The following PUSL1 variants were observed in gnomAD, a reference collection of about 807,000 sequenced individuals.
PUSL1 encodes pseudouridine synthase like 1, also known as tRNA pseudouridine synthase-like 1.
PUSL1 carries 51 observed loss-of-function variants against 30.7 expected under a neutral mutation model. The observed-to-expected ratio is 1.66, with a 90% CI of 1.33 to 2.10. PUSL1 has a LOEUF of 2.10. Among genes scored for constraint, PUSL1 ranks in the 30% most tolerant of loss-of-function variants. PUSL1 has a pLI of 0.00. For synonymous variants in PUSL1, 290 were observed against 192.1 expected (o/e 1.51, Z -4.21); for missense variants, 609 against 427.6 (o/e 1.42, Z -3.74).
chr1:1,309,412 G>A (rs1241731847), intron 3 of PUSL1, 42 bp from the exon 4 acceptor site: 2 of 1,544,494 alleles, frequency 1.3e-6, no homozygotes, highest in East Asian at 2.4e-5. Flanking sequence ...CACCGCGGGC[G>A]GGCGGGGTCG....
chr1:1,310,560 C>T (rs777404999), intron 5 of PUSL1, 74 bp from the exon 6 acceptor site: 92 of 1,206,202 alleles, frequency 7.6e-5, no homozygotes, highest in Non-Finnish European at 9.9e-5. Context: ...GTCACTCTCC[C>T]GTCCAAGGCC....
rs566981480 is a variant in PUSL1 at position 1,311,034 on chromosome 1, C to T, written c.825C>T (p.His275=). Residue 275 remains histidine (H), a synonymous_variant, in exon 7 of 8, where the codon CAC becomes CAT. Coordinates refer to ENST00000379031, the MANE Select transcript of PUSL1 (RefSeq NM_153339.3). ...GKHQTRVAPA[H]GLFLKSVLYG... is the part of the protein sequence containing the mutation. ...ACCAGACACGTGTAGCCCCAGCCCA[C>T]GGCTTATTCCTCAAGTCAGTGCTGT... The T allele has an allele frequency of 2.0e-5, 33 of 1,612,072 alleles. No individual in the cohort carries two copies. Among genetic ancestry groups the T allele is most frequent in the Admixed American group, 1.3e-4 (8 of 59,998 alleles).
At position 1,309,739 on chromosome 1, in the gene PUSL1, T is replaced by TTGC. The variant is rs1641998122; in HGVS notation, c.533_534insGCT (p.Phe178delinsLeuLeu). 1 of 1,598,096 alleles carries TTGC rather than the reference T, an allele frequency of 6.3e-7. No homozygotes were observed. Reference sequence around the variant, plus strand: ...CCAGCACCTCCTCGGCACACACGACTTCAGCGCCTTCCAGTCCGCTGGCAG... The same window carrying TTGC: ...CCAGCACCTCCTCGGCACACACGACTTGCTCAGCGCCTTCCAGTCCGCTGGCAG... On this transcript the variant is annotated protein_altering_variant, in exon 5 of 8. Transcript: ENST00000379031.
In PUSL1 at chr1:1,309,139, C is replaced by G. The variant is rs775923867; in HGVS notation, c.189C>G (p.Ser63Arg). Residue 63 changes from serine (S) to arginine (R), a missense_variant, in exon 3 of 8, where the codon AGC (serine) becomes AGG (arginine). Physicochemically the swap from Ser to Arg is moderately radical, Grantham distance 110. Transcript: ENST00000379031. The stretch of plus-strand genomic sequence containing the variant: ...AGCCGGTCAGGTTCACCATCTCCAG[C>G]CGCACGGACGCCGGGGTCCACGCCC... ...SVEPVRFTIS[S>R]RTDAGVHALS... The G allele has an allele frequency of 2.0e-6, 3 of 1,529,432 alleles. No individual in the cohort carries two copies. The highest frequency in any genetic ancestry group is 2.6e-6 in the Non-Finnish European group (3 of 1,145,962). The allele number at this position is 1,529,432 out of a possible 1,614,324, so 94.7% of individuals were successfully genotyped here. A position where few individuals can be genotyped will look rare whatever the true frequency, so the allele number is the denominator to read the frequency against.
rs1641953168 is a variant in PUSL1, at chr1:1,309,289, A to C, written c.323+16A>C. 1.4e-6 allele frequency: 2 copies of C among 1,472,612 alleles called. No homozygotes were observed. Among genetic ancestry groups the C allele is most frequent in the Middle Eastern group, 1.8e-4 (1 of 5,468 alleles). The allele number at this position is 1,472,612 out of a possible 1,614,324, so 91.2% of individuals were successfully genotyped here. A position where few individuals can be genotyped will look rare whatever the true frequency, so the allele number is the denominator to read the frequency against. ...CGGCCATCAGGTGAGCCCGCGACCTAAGCAGCCCTGGGGCTGTGCCTTCCC... is the reference window on the plus strand; with the variant it reads ...CGGCCATCAGGTGAGCCCGCGACCTCAGCAGCCCTGGGGCTGTGCCTTCCC... On this transcript the variant is annotated intron_variant, in intron 3 of 7. Coordinates refer to ENST00000379031, the MANE Select transcript of PUSL1 (RefSeq NM_153339.3).
chr1:1,309,714 C>G lies in PUSL1; in HGVS notation c.507C>G (p.Ala169=), dbSNP rs773682015. 2.5e-6 allele frequency: 4 copies of G among 1,597,828 alleles called. No homozygotes were observed. The highest frequency in any genetic ancestry group is 2.2e-5 in the South Asian group (2 of 89,974). ...CLDMVAMQEA[A]QHLLGTHDFS... is the part of the protein sequence containing the mutation. ...ATATGGTCGCCATGCAGGAAGCCGC[C>G]CAGCACCTCCTCGGCACACACGACT... Residue 169 remains alanine (A), a synonymous_variant, in exon 5 of 8, where the codon GCC becomes GCG. Coordinates refer to ENST00000379031, the MANE Select transcript of PUSL1 (RefSeq NM_153339.3).
Position 1,309,935 on chromosome 1 carries a change from A to C in PUSL1, c.644+84A>C, listed in dbSNP as rs955465354. On this transcript the variant is annotated intron_variant, in intron 5 of 7. Coordinates refer to ENST00000379031, the MANE Select transcript of PUSL1 (RefSeq NM_153339.3). The stretch of plus-strand genomic sequence containing the variant: ...CAGCACCTCCCCCAGTTTTAAGGCA[A>C]GGTGAGGCGGGAGGCAGGCAGCCGG... 8.6e-6 allele frequency: 10 copies of C among 1,169,554 alleles called. No individual in the cohort carries two copies. The African/African-American group carries it at 1.6e-4, about 18-fold the overall frequency. 72.4% of individuals were successfully genotyped at this position (1,169,554 alleles called of 1,614,324 possible). A position where few individuals can be genotyped will look rare whatever the true frequency, so the allele number is the denominator to read the frequency against.
chr1:1,311,088 C>T lies in PUSL1; in HGVS notation c.862+17C>T, dbSNP rs370050103. On this transcript the variant is annotated intron_variant, in intron 7 of 7. Coordinates refer to ENST00000379031, the MANE Select transcript of PUSL1 (RefSeq NM_153339.3). ...GGAACCTCGGTAAGAAAAACAGGCA[C>T]GAGAAGCTCCTGTCATGTGCCCAGT... 39 of 1,585,684 alleles carry T rather than the reference C, an allele frequency of 2.5e-5. No homozygotes were observed. The highest frequency in any genetic ancestry group is 1.6e-4 in the South Asian group (14 of 88,012).
rs1451519283 is a variant in PUSL1, at chr1:1,309,519, A to G, written c.389A>G (p.Tyr130Cys). ...CGTCACGCAGCCACGTCCCGGACCTACCTGTACCGCCTGGCCACTGGCTGT... is the reference window on the plus strand; with the variant it reads ...CGTCACGCAGCCACGTCCCGGACCTGCCTGTACCGCCTGGCCACTGGCTGT... ...HARHAATSRT[Y>C]LYRLATGCHR... Residue 130 changes from tyrosine to cysteine, a missense_variant, in exon 4 of 8, where the codon TAC becomes TGC. Transcript: ENST00000379031. The G allele has an allele frequency of 6.2e-7, 1 of 1,611,164 alleles. No individual in the cohort carries two copies. Among genetic ancestry groups the G allele is most frequent in the East Asian group, 2.2e-5 (1 of 44,818 alleles).
At chr1:1,309,327 C>T (rs1641957094) in intron 3 of PUSL1, 54 bp downstream of exon 3, 14 of 1,448,896 alleles carry the variant, frequency 9.7e-6, no homozygotes, top group Non-Finnish European at 1.3e-5. Context: ...CTCCATCTGT[C>T]GCGGGCGGAG....
chr1:1,309,881 G>C (rs570651165), intron 5 of PUSL1, 30 bp downstream of exon 5: 1 of 1,451,484 alleles, frequency 6.9e-7, no homozygotes, highest in Non-Finnish European at 9.2e-7. Context: ...CTGTGGCCCT[G>C]CCCTCAAGTC....
At position 1,309,175 on chromosome 1, in the gene PUSL1, G is replaced by A. The variant is rs1391037432; in HGVS notation, c.225G>A (p.Ala75=). 2.0e-6 allele frequency: 3 copies of A among 1,537,122 alleles called. No homozygotes were observed. Among genetic ancestry groups the A allele is most frequent in the Non-Finnish European group, 2.6e-6 (3 of 1,149,998 alleles). The change falls in exon 3 of 8, where the codon GCG becomes GCA. Residue 75 remains alanine, a synonymous_variant. Coordinates refer to ENST00000379031, the MANE Select transcript of PUSL1 (RefSeq NM_153339.3). ...CCGGGGTCCACGCCCTGAGCAACGC[G>A]GCGCACCTGGACGTCCAGCGCCGCT... ...TDAGVHALSN[A]AHLDVQRRSG...
In PUSL1 at chr1:1,310,997, C is replaced by T. The variant is rs767482018; in HGVS notation, c.788C>T (p.Pro263Leu). The part of the protein sequence containing the change: ...QVKTILESQD[P>L]LGKHQTRVAP... ...AAGACGATTCTGGAGAGCCAAGATC[C>T]CCTGGGCAAGCACCAGACACGTGTA... Residue 263 changes from proline to leucine, a missense_variant, in exon 7 of 8, where the codon CCC becomes CTC. Physicochemically the swap from Pro to Leu is moderately conservative, Grantham distance 98. Transcript: ENST00000379031. The T allele has an allele frequency of 6.2e-6, 10 of 1,612,914 alleles. No individual in the cohort carries two copies. Among genetic ancestry groups the T allele is most frequent in the Non-Finnish European group, 5.1e-6 (6 of 1,179,948 alleles).
chr1:1,310,483 C>A (rs1350014479), intron 5 of PUSL1, 151 bp from the exon 6 acceptor site: 1 of 676,556 alleles, frequency 1.5e-6, no homozygotes, highest in Non-Finnish European at 2.6e-6. Context: ...TCACTGGGGG[C>A]AGGAGATCAG....
chr1:1,309,637 GCAGGCCGGCCCC>G (rs773090784), intron 4 of PUSL1, 32 bp from the exon 5 acceptor site: 1 of 1,596,712 alleles, frequency 6.3e-7, no homozygotes, highest in Non-Finnish European at 8.6e-7. Flanking sequence ...GAGGGGGCGG[GCAGGCCGGCCCC>G]ACCCTCCTGA....
chr1:1,311,053 G>A lies in PUSL1; in HGVS notation c.844G>A (p.Val282Met), dbSNP rs1642112140. Residue 282 changes from valine to methionine, a missense_variant, in exon 7 of 8, where the codon GTG (valine) becomes ATG (methionine). Transcript: ENST00000379031. ...AGCCCACGGCTTATTCCTCAAGTCA[G>A]TGCTGTACGGGAACCTCGGTAAGAA... Reference protein sequence around the residue: ...APAHGLFLKSVLYGNLGAASC... With the variant: ...APAHGLFLKSMLYGNLGAASC... 4.4e-6 allele frequency: 7 copies of A among 1,606,568 alleles called. No individual in the cohort carries two copies. Among genetic ancestry groups the A allele is most frequent in the Non-Finnish European group, 4.3e-6 (5 of 1,174,976 alleles).
In PUSL1 at chr1:1,309,584, T is replaced by C. The variant is rs376409060; in HGVS notation, c.454T>C (p.Cys152Arg). The C allele has an allele frequency of 8.1e-6, 13 of 1,611,558 alleles. No homozygotes were observed. In the African/African-American group the frequency reaches 1.3e-4, roughly 17 times the overall value. ...DELPVFERNL[C>R]WTLPADCLDM... ...GCTGCCGGTGTTTGAACGCAACCTA[T>C]GCTGGACTCTCCCGGCAGAGTGAGT... Residue 152 changes from cysteine to arginine, a missense_variant, in exon 4 of 8, where the codon TGC (cysteine) becomes CGC (arginine). Physicochemically the swap from Cys to Arg is radical, Grantham distance 180 (BLOSUM62 -3). Coordinates refer to ENST00000379031, the MANE Select transcript of PUSL1 (RefSeq NM_153339.3).
rs749132431 is a variant in PUSL1 at position 1,308,973 on chromosome 1, G to A, written c.135+1G>A. On this transcript the variant is annotated splice_donor_variant, in intron 2 of 7. Coordinates refer to ENST00000379031, the MANE Select transcript of PUSL1 (RefSeq NM_153339.3). LOFTEE classifies it high-confidence loss of function. ...CGTCGGGGTCCAGAACTACCTGGAG[G>A]TGCGCTCAGCCGGTCACGGGACGCC... 1 of 1,415,884 alleles carries A rather than the reference G, an allele frequency of 7.1e-7. No homozygotes were observed. The highest frequency in any genetic ancestry group is 9.2e-7 in the Non-Finnish European group (1 of 1,089,064). 87.7% of individuals were successfully genotyped at this position (1,415,884 alleles called of 1,614,324 possible).
rs757927920 is a variant in PUSL1, at chr1:1,311,061, C to T, written c.852C>T (p.Tyr284=). The T allele has an allele frequency of 8.1e-6, 13 of 1,598,988 alleles. No homozygotes were observed. The highest frequency in any genetic ancestry group is 3.4e-5 in the Admixed American group (2 of 59,434). ...GCTTATTCCTCAAGTCAGTGCTGTACGGGAACCTCGGTAAGAAAAACAGGC... is the reference window on the plus strand; with the variant it reads ...GCTTATTCCTCAAGTCAGTGCTGTATGGGAACCTCGGTAAGAAAAACAGGC... ...AHGLFLKSVL[Y]GNLGAASCTL... The change falls in exon 7 of 8, where the codon TAC becomes TAT. Residue 284 remains tyrosine, a synonymous_variant. Transcript: ENST00000379031.
Sources: allele counts gnomAD v4.1 joint callset, GRCh38; gene constraint gnomAD v4.1.1; transcripts MANE v1.5; gene names NCBI Gene and HGNC (gene_info 2026-07-23, HGNC 2026-07-21).